Variants in PTPRD observed in about 807,000 individuals in gnomAD.
PTPRD encodes the protein protein tyrosine phosphatase receptor type D.
A neutral mutation model predicts 214.5 loss-of-function variants in PTPRD; 34 were observed. The observed-to-expected ratio is 0.16, with a 90% CI of 0.12 to 0.21. The LOEUF is 0.21. Ranked by LOEUF, PTPRD falls within the 10% of genes least tolerant of loss-of-function variation. The pLI, the probability that PTPRD is intolerant of heterozygous loss-of-function variation, is 1.00. For missense variants in PTPRD, 2,545 were observed against 2,398.7 expected (o/e 1.06, Z -1.27); for synonymous variants, 1,128 against 845.7 (o/e 1.33, Z -5.79).
chr9:8,432,304 A>G (rs889299330), intron 35 of PTPRD, among the ~76,000 whole-genome samples: 1 of 152,254 alleles, frequency 6.6e-6, no homozygotes. Context: ...AAAGACCTGC[A>G]GAGATGGGGT....
At chr9:8,911,415 T>TC (rs1555510111) in intron 11 of PTPRD, among the ~76,000 whole-genome samples, 2 of 127,732 alleles carry the variant, frequency 1.6e-5, no homozygotes, top group Non-Finnish European at 3.6e-5. Flanking sequence ...TGTGTGTGTG[T>TC]TGTGTGTGTG....
At position 8,979,222 on chromosome 9, in the gene PTPRD, T is replaced by A. The variant is rs991445627; in HGVS notation, c.-104+39475A>T. Among the ~76,000 whole-genome samples, 29 of 152,270 alleles carry A rather than the reference T, an allele frequency of 1.9e-4. 1 individual carries two copies. The highest frequency in any genetic ancestry group is 6.5e-4 in the African/African-American group (27 of 41,578). On this transcript the variant is annotated intron_variant, in intron 11 of 45. Transcript: ENST00000381196. ...TTAAAAGCATTTATAGCTAACAAAA[T>A]TATTATGAAATATTCAGAAGTTCTC...
chr9:8,317,863 G>T lies in PTPRD; in HGVS notation c.*11C>A, dbSNP rs759482901. 1.2e-6 allele frequency: 2 copies of T among 1,611,752 alleles called. No homozygotes were observed. Among genetic ancestry groups the T allele is most frequent in the Non-Finnish European group, 1.7e-6 (2 of 1,178,316 alleles). On this transcript the variant is annotated 3_prime_UTR_variant, in exon 46 of 46. Transcript: ENST00000381196. ...GGCCTGTAGTAAAAATCCAGAATGG[G>T]TCAGGGGTTTCTACGTTGCATAGTG...
intron 3 of PTPRD, among the ~76,000 whole-genome samples, chr9:10,275,822 C>T (rs532390087): frequency 6.6e-6 from 1 of 152,242 alleles, no homozygotes; most frequent in East Asian, 1.9e-4. Flanking sequence ...CTCAGAAATA[C>T]ATTTGTGATG....
chr9:9,622,003 A>G (rs925186470), intron 7 of PTPRD, among the ~76,000 whole-genome samples: 3 of 152,212 alleles, frequency 2.0e-5, no homozygotes, highest in African/African-American at 7.2e-5. Flanking sequence ...TCATCTCTAC[A>G]AAGTAAGAAG....
intron 3 of PTPRD, among the ~76,000 whole-genome samples, chr9:10,217,941 G>A (rs188997494): frequency 3.3e-5 from 5 of 151,986 alleles, no homozygotes; most frequent in Non-Finnish European, 7.4e-5. Context: ...TCCCATAGAA[G>A]CTTATGTTTA....
chr9:10,549,968 C>T (rs1268807794), intron 2 of PTPRD, among the ~76,000 whole-genome samples: 2 of 152,092 alleles, frequency 1.3e-5, no homozygotes, highest in African/African-American at 4.8e-5. Context: ...AAGCATAGTG[C>T]CTTGAACGTT....
chr9:8,924,236 C>CG (rs34955314), intron 11 of PTPRD, among the ~76,000 whole-genome samples: 97,977 of 151,738 alleles, frequency 0.65, 31,919 homozygotes, highest in East Asian at 0.76. Flanking sequence ...AGTATCAACC[C>CG]AAAATTTTTA....
At chr9:8,902,181 G>A (rs1431822168) in intron 11 of PTPRD, among the ~76,000 whole-genome samples, 1 of 152,080 alleles carries the variant, frequency 6.6e-6, no homozygotes, top group Non-Finnish European at 1.5e-5. Flanking sequence ...GTATATGTGT[G>A]TTTATGACAC....
chr9:8,601,547 G>C (rs1380073884), intron 14 of PTPRD, among the ~76,000 whole-genome samples: 1 of 152,200 alleles, frequency 6.6e-6, no homozygotes, highest in Non-Finnish European at 1.5e-5. Context: ...CACAGAGACA[G>C]ACTCCATTTG....
intron 12 of PTPRD, among the ~76,000 whole-genome samples, chr9:8,728,978 A>T (rs1042466848): frequency 2.6e-5 from 4 of 152,246 alleles, no homozygotes; most frequent in African/African-American, 9.6e-5. Flanking sequence ...AGACTGTCTC[A>T]AAAAAACTAA....
chr9:10,607,019 A>T (rs1171955119), intron 2 of PTPRD, among the ~76,000 whole-genome samples: 2 of 151,938 alleles, frequency 1.3e-5, no homozygotes, highest in African/African-American at 4.8e-5. Context: ...AGATAGCATT[A>T]TATATGCAAT....
chr9:9,363,852 TG>T (rs1243642298), intron 9 of PTPRD, among the ~76,000 whole-genome samples: 2 of 151,404 alleles, frequency 1.3e-5, no homozygotes, highest in South Asian at 2.1e-4. Context: ...ATAACTTTTT[TG>T]GTGTTGATAC....
At chr9:10,305,029 A>G (rs949073696) in intron 3 of PTPRD, among the ~76,000 whole-genome samples, 4 of 151,834 alleles carry the variant, frequency 2.6e-5, no homozygotes, top group Non-Finnish European at 5.9e-5. Context: ...CTACATCAAA[A>G]CAGCATGGTA....
At chr9:10,532,572 C>T (rs960554307) in intron 2 of PTPRD, among the ~76,000 whole-genome samples, 3 of 147,432 alleles carry the variant, frequency 2.0e-5, no homozygotes, top group Non-Finnish European at 3.0e-5. Context: ...TATATATATA[C>T]ACTATATATA....
intron 35 of PTPRD, among the ~76,000 whole-genome samples, chr9:8,406,089 A>G (rs2092947806): frequency 6.6e-6 from 1 of 152,192 alleles, no homozygotes; most frequent in South Asian, 2.1e-4. Flanking sequence ...TAGTCAATCA[A>G]TGAGCAGTAT....
chr9:10,004,316 T>TTTG (rs1175800506), intron 4 of PTPRD, among the ~76,000 whole-genome samples: 1 of 151,810 alleles, frequency 6.6e-6, no homozygotes, highest in African/African-American at 2.4e-5. Flanking sequence ...TAAGAGGGAA[T>TTTG]TTGCCATGTG....
intron 9 of PTPRD, among the ~76,000 whole-genome samples, chr9:9,260,972 C>G (rs1183296998): frequency 1.3e-5 from 2 of 151,856 alleles, no homozygotes; most frequent in Non-Finnish European, 2.9e-5. Flanking sequence ...TCGCAATCCT[C>G]TTTTTCATTG....
At chr9:10,535,261 T>C (rs1311642556) in intron 2 of PTPRD, among the ~76,000 whole-genome samples, 2 of 152,184 alleles carry the variant, frequency 1.3e-5, no homozygotes, top group Non-Finnish European at 2.9e-5. Flanking sequence ...ACTAAAAAAT[T>C]GAGGGGAAAA....
Sources: allele counts gnomAD v4.1 joint callset (sites outside exome capture counted in the v4.1 genomes callset), GRCh38; gene constraint gnomAD v4.1.1; transcripts MANE v1.5; gene names NCBI Gene and HGNC (gene_info 2026-07-23, HGNC 2026-07-21).